The following CNBD1 variants were observed in gnomAD, a reference collection of about 807,000 sequenced individuals.
CNBD1 encodes the protein cyclic nucleotide binding domain containing 1, also known as cyclic nucleotide-binding domain-containing protein 1.
A neutral mutation model predicts 54.4 loss-of-function variants in CNBD1; 71 were observed. The observed-to-expected ratio is 1.30, with a 90% CI of 1.08 to 1.59. The LOEUF (loss-of-function observed/expected upper bound fraction) is 1.59, where lower values mean the gene tolerates loss of function less well. CNBD1 is among the 40% of genes most tolerant of loss of function. The pLI, the probability that CNBD1 is intolerant of heterozygous loss-of-function variation, is 0.00. For missense variants in CNBD1, 659 were observed against 518.0 expected, an observed-to-expected ratio of 1.27 and a Z score of -2.64; for synonymous variants, 182 against 170.7, an observed-to-expected ratio of 1.07 and a Z score of -0.51.
At chr8:86,912,041 G>A (rs915848750) in intron 3 of CNBD1, among the ~76,000 whole-genome samples, 3 of 152,032 alleles carry the variant, frequency 2.0e-5, no homozygotes, top group South Asian at 4.1e-4. Flanking sequence ...TCAGTATTAC[G>A]CAAAATGTGA....
At chr8:87,234,799 A>G (rs1368163956) in intron 5 of CNBD1, among the ~76,000 whole-genome samples, 1 of 152,138 alleles carries the variant, frequency 6.6e-6, no homozygotes, top group Non-Finnish European at 1.5e-5. Context: ...GCTGTATGTC[A>G]TCATCAACCT....
chr8:87,361,010 G>C (rs1382784469), intron 10 of CNBD1, among the ~76,000 whole-genome samples: 1 of 151,844 alleles, frequency 6.6e-6, no homozygotes, highest in Non-Finnish European at 1.5e-5. Context: ...ATAAGTTATA[G>C]CCAAGATTAT....
intron 8 of CNBD1, among the ~76,000 whole-genome samples, chr8:87,342,842 C>G (rs1027474361): frequency 6.6e-6 from 1 of 152,136 alleles, no homozygotes; most frequent in Admixed American, 6.5e-5. Flanking sequence ...GTCCATGTCC[C>G]ACTGTGCACG....
intron 10 of CNBD1, among the ~76,000 whole-genome samples, chr8:87,373,031 AG>A (rs1414081119): frequency 1.3e-5 from 2 of 151,780 alleles, no homozygotes; most frequent in African/African-American, 4.8e-5. Context: ...TTTTTATTAT[AG>A]TAGTTAGATT....
In CNBD1 at chr8:87,131,352, A is replaced by G. The variant is rs191851132; in HGVS notation, c.432-74641A>G. ...CTTTAAAATTATACTACTTTGGAAC[A>G]TTTAAAATGGTTGCTCCAAGGCATA... On this transcript the variant is annotated intron_variant, in intron 4 of 10. Coordinates refer to ENST00000518476, the MANE Select transcript of CNBD1 (RefSeq NM_173538.3). Among the ~76,000 whole-genome samples, 285 of 152,182 alleles carry G rather than the reference A, an allele frequency of 1.9e-3. 1 individual carries two copies. Among genetic ancestry groups the G allele is most frequent in the Non-Finnish European group, 2.6e-3 (175 of 67,960 alleles).
At chr8:86,976,854 AC>A (rs1808353696) in intron 4 of CNBD1, among the ~76,000 whole-genome samples, 1 of 152,028 alleles carries the variant, frequency 6.6e-6, no homozygotes, top group Admixed American at 6.6e-5. Context: ...TAGAAATGAT[AC>A]TGATTGCTTT....
intron 4 of CNBD1, among the ~76,000 whole-genome samples, chr8:87,013,073 A>T (rs770485990): frequency 5.6e-4 from 86 of 152,346 alleles, no homozygotes; most frequent in Middle Eastern, 3.4e-3. Context: ...GCCTCAGAGA[A>T]GACTCAAGAC....
At position 87,284,695 on chromosome 8, in the gene CNBD1, C is replaced by T; in HGVS notation, c.789C>T (p.Thr263=). 6.2e-7 allele frequency: 1 copy of T among 1,605,374 alleles called. No homozygotes were observed. Among genetic ancestry groups the T allele is most frequent in the Non-Finnish European group, 8.5e-7 (1 of 1,176,450 alleles). Residue 263 remains threonine (T), a synonymous_variant, in exon 7 of 11, where the codon ACC becomes ACT. Transcript: ENST00000518476. ...SYDSMLSKWS[T]FGTLEVMPQN... is the part of the protein sequence containing the mutation. ...TTTTACAGCTTAGCAAATGGAGTAC[C>T]TTTGGGACTCTGGAAGTTATGCCTC...
At chr8:87,367,786 A>G (rs1365744610) in intron 10 of CNBD1, among the ~76,000 whole-genome samples, 1 of 152,088 alleles carries the variant, frequency 6.6e-6, no homozygotes, top group Non-Finnish European at 1.5e-5. Flanking sequence ...GTCATGGGGG[A>G]CACTTCTGTG....
intron 6 of CNBD1, among the ~76,000 whole-genome samples, chr8:87,248,987 A>C (rs1807861243): frequency 6.6e-6 from 1 of 152,120 alleles, no homozygotes; most frequent in South Asian, 2.1e-4. Flanking sequence ...AAGTATATCA[A>C]CTCACTACTA....
chr8:87,423,044 A>T (rs200307376), intron 2 of CNBD1, among the ~76,000 whole-genome samples: 11 of 151,786 alleles, frequency 7.2e-5, no homozygotes, highest in South Asian at 4.2e-4. Context: ...CAATTGTGAA[A>T]GGGAGTTCAC....
intron 1 of CNBD1, among the ~76,000 whole-genome samples, chr8:86,870,900 T>C (rs1808434586): frequency 6.6e-6 from 1 of 152,146 alleles, no homozygotes; most frequent in Admixed American, 6.5e-5. Flanking sequence ...CATTTCTGTG[T>C]CTATATAATC....
intron 2 of CNBD1, among the ~76,000 whole-genome samples, chr8:86,895,388 A>G (rs763966980): frequency 1.3e-5 from 2 of 152,122 alleles, no homozygotes; most frequent in Non-Finnish European, 2.9e-5. Flanking sequence ...GTTGCTTTCA[A>G]GTTTTAGCAA....
intron 6 of CNBD1, among the ~76,000 whole-genome samples, chr8:87,254,144 C>T (rs747272811): frequency 3.3e-5 from 5 of 152,156 alleles, no homozygotes; most frequent in Non-Finnish European, 7.3e-5. Context: ...GACACCATGT[C>T]ATCAGAGTTG....
At chr8:87,174,558 T>C (rs2130771699) in intron 4 of CNBD1, among the ~76,000 whole-genome samples, 1 of 152,330 alleles carries the variant, frequency 6.6e-6, no homozygotes, top group South Asian at 2.1e-4. Flanking sequence ...CATATCTCTG[T>C]ATTTCTGAGA....
intron 4 of CNBD1, among the ~76,000 whole-genome samples, chr8:86,994,861 A>G (rs970456717): frequency 3.3e-5 from 5 of 152,150 alleles, no homozygotes; most frequent in African/African-American, 4.8e-5. Context: ...AGTGCCATGA[A>G]TAAAATAAGC....
At chr8:87,144,586 C>G (rs1018871314) in intron 4 of CNBD1, among the ~76,000 whole-genome samples, 1 of 152,098 alleles carries the variant, frequency 6.6e-6, no homozygotes, top group African/African-American at 2.4e-5. Flanking sequence ...CTTCGGGAGG[C>G]CGAGGCAGGT....
chr8:87,289,223 A>G (rs992234225), intron 8 of CNBD1, among the ~76,000 whole-genome samples: 6 of 152,162 alleles, frequency 3.9e-5, no homozygotes, highest in African/African-American at 9.6e-5. Context: ...AGCTTGATAG[A>G]GTTTAGGATT....
intron 4 of CNBD1, among the ~76,000 whole-genome samples, chr8:87,012,601 C>T (rs539079022): frequency 6.6e-6 from 1 of 152,198 alleles, no homozygotes; most frequent in South Asian, 2.1e-4. Context: ...AGCCAGTCAC[C>T]CTTTTAAGTC....
Sources: allele counts gnomAD v4.1 joint callset (sites outside exome capture counted in the v4.1 genomes callset), GRCh38; gene constraint gnomAD v4.1.1; transcripts MANE v1.5; gene names NCBI Gene and HGNC (gene_info 2026-07-23, HGNC 2026-07-21).